Variants in ATP6V0A4 observed in about 807,000 individuals in gnomAD.
ATP6V0A4 encodes V-type proton ATPase 116 kDa subunit a 4.
In ATP6V0A4, 86 loss-of-function variants were observed where a neutral mutation model predicts 107.3. The ratio of observed to expected loss-of-function variants is 0.80; its 90% CI spans 0.67 to 0.96. The LOEUF (loss-of-function observed/expected upper bound fraction) is 0.96. Ranked by LOEUF, ATP6V0A4 falls within the 40% of genes least tolerant of loss-of-function variation. The pLI, the probability that ATP6V0A4 is intolerant of heterozygous loss-of-function variation, is 0.00. For missense variants in ATP6V0A4, 908 were observed against 1,045.6 expected, an observed-to-expected ratio of 0.87 and a Z score of 1.81; for synonymous variants, 353 against 381.4, an observed-to-expected ratio of 0.93 and a Z score of 0.87.
intron 15 of ATP6V0A4, among the ~76,000 whole-genome samples, chr7:138,737,304 G>A (rs2117251444): frequency 6.6e-6 from 1 of 150,636 alleles, no homozygotes; most frequent in Non-Finnish European, 1.5e-5. Context: ...TAAGTCTCAT[G>A]AGATCTGATG....
Position 138,756,553 on chromosome 7 carries a change from A to G in ATP6V0A4, c.640-13T>C. 6.2e-7 allele frequency: 1 copy of G among 1,602,626 alleles called. No homozygotes were observed. The highest frequency in any genetic ancestry group is 8.5e-7 in the Non-Finnish European group (1 of 1,177,446). On this transcript the variant is annotated splice_polypyrimidine_tract_variant and intron_variant, in intron 8 of 21. Coordinates refer to ENST00000310018, the MANE Select transcript of ATP6V0A4 (RefSeq NM_020632.3). The stretch of plus-strand genomic sequence containing the variant: ...GAATTTCTTCTTTCTGGAAAATCAG[A>G]ATAAGTTAAAAAAAAAGGGGGGGGT...
intron 1 of ATP6V0A4, among the ~76,000 whole-genome samples, chr7:138,793,753 T>C (rs62486976): frequency 0.043 from 6,597 of 152,272 alleles, 197 homozygotes; most frequent in African/African-American, 0.083. Context: ...GAAATATACT[T>C]CAGAGAAGAT....
At chr7:138,713,229 TG>T (rs1246845254) in intron 20 of ATP6V0A4, among the ~76,000 whole-genome samples, 1 of 141,678 alleles carries the variant, frequency 7.1e-6, no homozygotes, top group Non-Finnish European at 1.5e-5. Context: ...TGCTTGAACC[TG>T]GGAGGCGGAG....
At chr7:138,785,182 T>A (rs1808120075) in intron 2 of ATP6V0A4, among the ~76,000 whole-genome samples, 1 of 152,136 alleles carries the variant, frequency 6.6e-6, no homozygotes, top group Admixed American at 6.5e-5. Context: ...AAAAAGAGCA[T>A]CTGATTTTTC....
At chr7:138,714,425 T>C (rs1339127801) in intron 20 of ATP6V0A4, among the ~76,000 whole-genome samples, 1 of 151,756 alleles carries the variant, frequency 6.6e-6, no homozygotes, top group African/African-American at 2.4e-5. Context: ...CGGATCTTTA[T>C]CAAAACTGTA....
At chr7:138,749,911 G>A (rs1007159407) in intron 11 of ATP6V0A4, among the ~76,000 whole-genome samples, 1 of 151,846 alleles carries the variant, frequency 6.6e-6, no homozygotes, top group Non-Finnish European at 1.5e-5. Context: ...TTCTCCTTTC[G>A]GAATCTTTCC....
intron 13 of ATP6V0A4, among the ~76,000 whole-genome samples, chr7:138,745,672 G>T (rs1167323939): frequency 2.1e-5 from 1 of 48,060 alleles, no homozygotes; most frequent in Admixed American, 2.4e-4. Context: ...AAAAAAAAAA[G>T]GCCGGGTGTG....
chr7:138,733,307 G>T, intron 16 of ATP6V0A4: 1 of 351,408 alleles, frequency 2.8e-6, no homozygotes, highest in Non-Finnish European at 3.7e-6. Flanking sequence ...AAGTGCTTTT[G>T]CACAAAAGAG....
chr7:138,706,865 A>T (rs1163169701), intron 21 of ATP6V0A4, 148 bp from the exon 22 acceptor site: 266 of 990,224 alleles, frequency 2.7e-4, no homozygotes, highest in Non-Finnish European at 3.5e-4. Context: ...ACCCAGGCTG[A>T]TGGCTGCCAT....
intron 2 of ATP6V0A4, among the ~76,000 whole-genome samples, chr7:138,777,631 A>ACACACAC: frequency 8.3e-6 from 1 of 119,824 alleles, no homozygotes; most frequent in African/African-American, 3.5e-5. Context: ...AAAAAAAAAA[A>ACACACAC]ATACACACAC....
At chr7:138,718,102 CGGGG>C (rs1158306742) in intron 19 of ATP6V0A4, among the ~76,000 whole-genome samples, 4 of 2,054 alleles carry the variant, frequency 1.9e-3, no homozygotes, top group Non-Finnish European at 1.8e-3. Context: ...GAATGGGGGG[CGGGG>C]GTGCAGTCAC....
rs921231471 is a variant in ATP6V0A4, at chr7:138,709,187, C to T, written c.2429+437G>A. On this transcript the variant is annotated intron_variant, in intron 21 of 21. Coordinates refer to ENST00000310018, the MANE Select transcript of ATP6V0A4 (RefSeq NM_020632.3). ...TTGCACCACTGCATTCCAGCCTGGA[C>T]AACAGAGTGAGAGCCTGTCTCAAAA... 2.7e-4 allele frequency among the ~76,000 whole-genome samples: 29 copies of T among 109,416 alleles called. 1 individual carries two copies. The highest frequency in any genetic ancestry group is 1.0e-3 in the African/African-American group (29 of 28,196). 71.8% of individuals were successfully genotyped at this position (109,416 alleles called of 152,430 possible). A position where few individuals can be genotyped will look rare whatever the true frequency, so the allele number is the denominator to read the frequency against.
chr7:138,769,290 A>G lies in ATP6V0A4; in HGVS notation c.118-39T>C, dbSNP rs762166768. On this transcript the variant is annotated intron_variant, in intron 3 of 21. Coordinates refer to ENST00000310018, the MANE Select transcript of ATP6V0A4 (RefSeq NM_020632.3). ...AATCACAAGATACATGTTAGTAGCA[A>G]CAGCTGCCAATAGATTTCTTTCTTT... 33 of 1,594,080 alleles carry G rather than the reference A, an allele frequency of 2.1e-5. No individual in the cohort carries two copies. In the East Asian group the frequency reaches 3.3e-4, roughly 16 times the overall value.
At chr7:138,784,239 T>TATATATATATATATACATATATATATAC (rs1808056097) in intron 2 of ATP6V0A4, among the ~76,000 whole-genome samples, 1 of 9,640 alleles carries the variant, frequency 1.0e-4, no homozygotes, top group East Asian at 2.8e-3. Flanking sequence ...TATATACGTA[T>TATATATATATATATACATATATATATAC]ATATATATAT....
At chr7:138,775,406 G>A (rs1485257858) in intron 2 of ATP6V0A4, among the ~76,000 whole-genome samples, 1 of 151,998 alleles carries the variant, frequency 6.6e-6, no homozygotes, top group Non-Finnish European at 1.5e-5. Context: ...TAAAATACCA[G>A]TCACTCCTAA....
chr7:138,757,998 T>C (rs1261218164), intron 8 of ATP6V0A4, among the ~76,000 whole-genome samples: 1 of 152,230 alleles, frequency 6.6e-6, no homozygotes, highest in Non-Finnish European at 1.5e-5. Flanking sequence ...GGTCCTTTTC[T>C]GAGTCTCTTA....
At chr7:138,772,546 T>C (rs1416396048) in intron 2 of ATP6V0A4, among the ~76,000 whole-genome samples, 1 of 152,162 alleles carries the variant, frequency 6.6e-6, no homozygotes, top group Non-Finnish European at 1.5e-5. Flanking sequence ...GTATTGACAC[T>C]GCTGATTAAA....
chr7:138,792,683 G>A (rs1390687847), intron 1 of ATP6V0A4, among the ~76,000 whole-genome samples: 3 of 151,776 alleles, frequency 2.0e-5, no homozygotes, highest in Non-Finnish European at 4.4e-5. Context: ...CTGCCATCTC[G>A]GATCTCCTGG....
intron 17 of ATP6V0A4, among the ~76,000 whole-genome samples, chr7:138,729,970 G>C (rs1325927952): frequency 6.6e-6 from 1 of 152,230 alleles, no homozygotes; most frequent in Non-Finnish European, 1.5e-5. Flanking sequence ...TGCAACCTCT[G>C]CCTCCTGGGT....
Sources: allele counts gnomAD v4.1 joint callset (sites outside exome capture counted in the v4.1 genomes callset), GRCh38; gene constraint gnomAD v4.1.1; transcripts MANE v1.5; gene names NCBI Gene and HGNC (gene_info 2026-07-23, HGNC 2026-07-21).